NEK7: variants seen among roughly 807,000 people sequenced by gnomAD.
NEK7 encodes the protein serine/threonine-protein kinase Nek7.
NEK7 carries 18 observed loss-of-function variants against 44.6 expected under a neutral mutation model. That is an observed-to-expected ratio of 0.40 (90% CI 0.28 to 0.60). The LOEUF is 0.60. Among genes scored for constraint, NEK7 ranks in the 20% least tolerant of loss-of-function variants. NEK7 has a pLI of 0.38. For missense variants in NEK7, 256 were observed against 366.5 expected (o/e 0.70, Z 2.46); for synonymous variants, 130 against 121.1 (o/e 1.07, Z -0.48).
chr1:198,230,065 A>G (rs1322003296), intron 1 of NEK7, among the ~76,000 whole-genome samples: 2 of 152,198 alleles, frequency 1.3e-5, no homozygotes, highest in Non-Finnish European at 2.9e-5. Context: ...TACTAATTGC[A>G]GGCCTGCTTG....
chr1:198,232,553 A>G lies in NEK7; in HGVS notation c.-28A>G. The G allele has an allele frequency of 6.8e-7, 1 of 1,477,686 alleles. No individual in the cohort carries two copies. Among genetic ancestry groups the G allele is most frequent in the Non-Finnish European group, 9.4e-7 (1 of 1,058,328 alleles). The allele number at this position is 1,477,686 out of a possible 1,614,324, so 91.5% of individuals were successfully genotyped here. On this transcript the variant is annotated splice_region_variant and 5_prime_UTR_variant, in exon 2 of 10. Coordinates refer to ENST00000367385, the MANE Select transcript of NEK7 (RefSeq NM_133494.3). ...AAATTTCAACTTTACATTTTTGCAG[A>G]GTTCTAAAGTTCCTGTTGCTTCAGA...
intron 7 of NEK7, among the ~76,000 whole-genome samples, chr1:198,290,919 T>C (rs1654533443): frequency 1.3e-5 from 2 of 152,058 alleles, no homozygotes; most frequent in Non-Finnish European, 2.9e-5. Flanking sequence ...AGGATTTTTG[T>C]ACATTAACAT....
chr1:198,246,873 C>T (rs924158309), intron 2 of NEK7, among the ~76,000 whole-genome samples: 2 of 152,214 alleles, frequency 1.3e-5, no homozygotes, highest in African/African-American at 4.8e-5. Flanking sequence ...AGAATGGTCT[C>T]CGTGTATGGG....
chr1:198,206,951 A>G (rs1327435954), intron 1 of NEK7: 1 of 152,160 alleles, frequency 6.6e-6, no homozygotes, highest in Non-Finnish European at 1.5e-5. Context: ...TCAGCATACA[A>G]TTTAAGATTT....
chr1:198,319,708 T>C lies in NEK7; in HGVS notation c.*186T>C. On this transcript the variant is annotated 3_prime_UTR_variant, in exon 10 of 10. Transcript: ENST00000367385. ...AAATCACCTCCTTGCAACCCCCAAA[T>C]GACTTTGGAATAACTGAATTGCATG... The C allele has an allele frequency of 1.9e-6, 1 of 516,214 alleles. No homozygotes were observed. The highest frequency in any genetic ancestry group is 3.1e-6 in the Non-Finnish European group (1 of 323,366). 32.0% of individuals were successfully genotyped at this position (516,214 alleles called of 1,614,324 possible). A position where few individuals can be genotyped will look rare whatever the true frequency, so the allele number is the denominator to read the frequency against.
intron 1 of NEK7, among the ~76,000 whole-genome samples, chr1:198,229,477 C>G (rs77309435): frequency 6.6e-6 from 1 of 152,190 alleles, no homozygotes; most frequent in South Asian, 2.1e-4. Context: ...TCCAGAGGCT[C>G]GGACTGTGAC....
At chr1:198,295,383 A>G (rs970299701) in intron 8 of NEK7, among the ~76,000 whole-genome samples, 5 of 152,100 alleles carry the variant, frequency 3.3e-5, no homozygotes, top group African/African-American at 9.7e-5. Context: ...GAGGTCAGGG[A>G]GTAAGTCAAT....
chr1:198,318,075 G>A (rs1295489226), intron 9 of NEK7, among the ~76,000 whole-genome samples: 2 of 151,946 alleles, frequency 1.3e-5, no homozygotes, highest in African/African-American at 4.8e-5. Context: ...ACATTACTAT[G>A]AAACATTGTT....
At chr1:198,264,273 T>G (rs1208989813) in intron 5 of NEK7, 38 bp downstream of exon 5, 1 of 1,337,942 alleles carries the variant, frequency 7.5e-7, no homozygotes, top group Non-Finnish European at 1.0e-6. Context: ...TTTTGTTTTG[T>G]TTTTTTTTCT....
chr1:198,266,834 T>C (rs1017262385), intron 5 of NEK7, among the ~76,000 whole-genome samples: 1 of 152,136 alleles, frequency 6.6e-6, no homozygotes, highest in Non-Finnish European at 1.5e-5. Context: ...TCACATTTTC[T>C]TTATTCCATT....
intron 1 of NEK7, among the ~76,000 whole-genome samples, chr1:198,191,469 TA>T (rs989791928): frequency 6.6e-5 from 10 of 152,038 alleles, no homozygotes; most frequent in African/African-American, 1.9e-4. Flanking sequence ...TTTTGCCAGT[TA>T]AAAAAAATTA....
chr1:198,250,899 C>T (rs1469249162), intron 2 of NEK7, among the ~76,000 whole-genome samples: 3 of 152,108 alleles, frequency 2.0e-5, no homozygotes, highest in Non-Finnish European at 4.4e-5. Context: ...TTGCCCTGGC[C>T]AGTGCTTCCA....
intron 1 of NEK7, among the ~76,000 whole-genome samples, chr1:198,166,058 A>G (rs1571494871): frequency 6.6e-6 from 1 of 152,330 alleles, no homozygotes; most frequent in South Asian, 2.1e-4. Context: ...GCCTTCACAG[A>G]GCTGAAGGGA....
chr1:198,190,628 C>T (rs1214021219), intron 1 of NEK7, among the ~76,000 whole-genome samples: 1 of 151,890 alleles, frequency 6.6e-6, no homozygotes, highest in Non-Finnish European at 1.5e-5. Context: ...CATTCTGGTC[C>T]TAGATCATTT....
At chr1:198,173,983 A>G (rs990946543) in intron 1 of NEK7, among the ~76,000 whole-genome samples, 8 of 152,194 alleles carry the variant, frequency 5.3e-5, no homozygotes, top group African/African-American at 1.7e-4. Context: ...ATTCACACAG[A>G]GTTTGGCATG....
Position 198,312,957 on chromosome 1 carries a change from G to A in NEK7, c.799-6455G>A, listed in dbSNP as rs186670016. Among the ~76,000 whole-genome samples, 776 of 152,218 alleles carry A rather than the reference G, an allele frequency of 5.1e-3. 7 individuals carry two copies. Among genetic ancestry groups the A allele is most frequent in the Non-Finnish European group, 7.3e-3 (499 of 68,018 alleles). On this transcript the variant is annotated intron_variant, in intron 9 of 9. Coordinates refer to ENST00000367385, the MANE Select transcript of NEK7 (RefSeq NM_133494.3). ...AGTTCTGTAGATGTCTATTAGGTCCGCTTGGTGTAGAGCTGAGTTCAATTC... is the reference window on the plus strand; with the variant it reads ...AGTTCTGTAGATGTCTATTAGGTCCACTTGGTGTAGAGCTGAGTTCAATTC...
At chr1:198,300,823 C>A (rs1289428324) in intron 9 of NEK7, among the ~76,000 whole-genome samples, 1 of 152,146 alleles carries the variant, frequency 6.6e-6, no homozygotes, top group African/African-American at 2.4e-5. Flanking sequence ...CCAAAGAACT[C>A]TCTGTAGAGT....
chr1:198,173,431 A>T (rs1054265311), intron 1 of NEK7, among the ~76,000 whole-genome samples: 9 of 137,708 alleles, frequency 6.5e-5, no homozygotes, highest in African/African-American at 8.0e-5. Flanking sequence ...TCTGTCTTTT[A>T]AAAAAAAAAA....
At chr1:198,295,268 C>T (rs1456848081) in intron 8 of NEK7, among the ~76,000 whole-genome samples, 1 of 151,980 alleles carries the variant, frequency 6.6e-6, no homozygotes, top group Non-Finnish European at 1.5e-5. Context: ...AGGTTGGTGG[C>T]TTACAGTTCA....
Sources: allele counts gnomAD v4.1 joint callset (sites outside exome capture counted in the v4.1 genomes callset), GRCh38; gene constraint gnomAD v4.1.1; transcripts MANE v1.5; gene names NCBI Gene and HGNC (gene_info 2026-07-23, HGNC 2026-07-21).